The following SEL1L2 variants were observed in gnomAD, a reference collection of about 807,000 sequenced individuals.
SEL1L2 encodes the protein SEL1L2 adaptor subunit of SYVN1 ubiquitin ligase.
SEL1L2 carries 89 observed loss-of-function variants against 98.8 expected under a neutral mutation model. The ratio of observed to expected loss-of-function variants is 0.90; its 90% CI spans 0.76 to 1.07. The LOEUF (loss-of-function observed/expected upper bound fraction) is 1.07, where lower values mean the gene tolerates loss of function less well. Ranked by LOEUF, SEL1L2 falls within the 50% of genes least tolerant of loss-of-function variation. SEL1L2 has a pLI of 0.00. For synonymous variants in SEL1L2, 262 were observed against 278.5 expected (o/e 0.94, Z 0.59); for missense variants, 788 against 812.0 (o/e 0.97, Z 0.36).
chr20:13,969,547 A>G (rs904517996), intron 1 of SEL1L2, among the ~76,000 whole-genome samples: 7 of 152,158 alleles, frequency 4.6e-5, no homozygotes, highest in African/African-American at 1.4e-4. Flanking sequence ...CTATCTGACA[A>G]TTTAAGCCTT....
chr20:13,870,094 C>G (rs754489657), intron 13 of SEL1L2, 47 bp downstream of exon 13: 100 of 1,337,020 alleles, frequency 7.5e-5, no homozygotes, highest in Non-Finnish European at 1.0e-4. Context: ...TGAATTTTAC[C>G]CTGTAAATTG....
At chr20:13,907,742 C>CTTTCTTTCTTTTCT (rs1555880158) in intron 5 of SEL1L2, among the ~76,000 whole-genome samples, 154 of 83,580 alleles carry the variant, frequency 1.8e-3, no homozygotes, top group East Asian at 6.6e-3. Flanking sequence ...TTCTTTCTTT[C>CTTTCTTTCTTTTCT]TTTCTTTTCT....
chr20:13,911,733 C>G lies in SEL1L2; in HGVS notation c.549+2049G>C, dbSNP rs183407902. Among the ~76,000 whole-genome samples, 12 of 152,096 alleles carry G rather than the reference C, an allele frequency of 7.9e-5. No homozygotes were observed. In the East Asian group the frequency reaches 2.3e-3, roughly 29 times the overall value. On this transcript the variant is annotated intron_variant, in intron 5 of 19. Coordinates refer to ENST00000284951, the MANE Select transcript of SEL1L2 (RefSeq NM_025229.2). ...GATACATTGTTAAGTGAATAAAGAG[C>G]AAGTTAGGAAGCAGCAACTAAAGTA...
At chr20:13,921,556 A>G (rs1049951607) in intron 3 of SEL1L2, among the ~76,000 whole-genome samples, 2 of 152,228 alleles carry the variant, frequency 1.3e-5, no homozygotes, top group African/African-American at 2.4e-5. Context: ...GGGCGCAGAA[A>G]CAGTCAAAAT....
intron 5 of SEL1L2, among the ~76,000 whole-genome samples, chr20:13,900,198 T>C (rs1438368322): frequency 6.6e-6 from 1 of 152,212 alleles, no homozygotes; most frequent in Non-Finnish European, 1.5e-5. Flanking sequence ...TGACCTATAA[T>C]ACCCTACAGG....
chr20:13,870,676 A>G (rs1423332210), intron 12 of SEL1L2, among the ~76,000 whole-genome samples: 1 of 152,142 alleles, frequency 6.6e-6, no homozygotes, highest in Non-Finnish European at 1.5e-5. Context: ...TAATCCCAGC[A>G]CTTAGGGAGG....
At chr20:13,883,140 A>G (rs2046794028) in intron 10 of SEL1L2, among the ~76,000 whole-genome samples, 1 of 151,904 alleles carries the variant, frequency 6.6e-6, no homozygotes, top group Admixed American at 6.6e-5. Context: ...TTAAAGTTTG[A>G]GATTTCAACT....
At chr20:13,957,558 A>C (rs1013385007) in intron 1 of SEL1L2, among the ~76,000 whole-genome samples, 7 of 152,196 alleles carry the variant, frequency 4.6e-5, no homozygotes, top group African/African-American at 1.4e-4. Context: ...CCTCTGTCAA[A>C]TTAGAGAAAT....
rs149633882 is a variant in SEL1L2 at position 13,893,559 on chromosome 20, G to A, written c.550-5047C>T. On this transcript the variant is annotated intron_variant, in intron 5 of 19. Coordinates refer to ENST00000284951, the MANE Select transcript of SEL1L2 (RefSeq NM_025229.2). ...ACTGAAGGAAGAAATAGAAAGTAACGCAACAGTAGGAGATTTCAATACCCC... is the reference window on the plus strand; with the variant it reads ...ACTGAAGGAAGAAATAGAAAGTAACACAACAGTAGGAGATTTCAATACCCC... 4.3e-4 allele frequency among the ~76,000 whole-genome samples: 66 copies of A among 152,112 alleles called. 1 individual carries two copies. Among genetic ancestry groups the A allele is most frequent in the African/African-American group, 1.0e-3 (42 of 41,504 alleles).
At chr20:13,945,007 T>A (rs919385360) in intron 2 of SEL1L2, among the ~76,000 whole-genome samples, 1 of 152,142 alleles carries the variant, frequency 6.6e-6, no homozygotes, top group Non-Finnish European at 1.5e-5. Context: ...GTTGCCTGAT[T>A]CTCTTTTCCC....
chr20:13,908,034 C>T lies in SEL1L2; in HGVS notation c.549+5748G>A, dbSNP rs149856864. On this transcript the variant is annotated intron_variant, in intron 5 of 19. Coordinates refer to ENST00000284951, the MANE Select transcript of SEL1L2 (RefSeq NM_025229.2). ...ACTCCTGGGCTCAAGTGATCTCCCG[C>T]CTCAGCCTCCCAAAGTGTTAGGATT... is the stretch of plus-strand genomic sequence containing the variant. Among the ~76,000 whole-genome samples the T allele has an allele frequency of 5.5e-3, 833 of 150,442 alleles. 7 individuals carry two copies. The highest frequency in any genetic ancestry group is 0.019 in the African/African-American group (781 of 40,868).
chr20:13,851,162 G>A (rs112009714), intron 18 of SEL1L2, among the ~76,000 whole-genome samples: 115 of 152,174 alleles, frequency 7.6e-4, no homozygotes, highest in African/African-American at 2.6e-3. Context: ...GGGAGGCAGC[G>A]GTTGCAGTGA....
At chr20:13,951,410 C>G (rs920904384) in intron 2 of SEL1L2, among the ~76,000 whole-genome samples, 2 of 138,134 alleles carry the variant, frequency 1.4e-5, no homozygotes, top group African/African-American at 2.7e-5. Context: ...GTCAGGAGAT[C>G]GAAACACAGT....
At chr20:13,902,712 GAAAAA>G (rs5840587) in intron 5 of SEL1L2, among the ~76,000 whole-genome samples, 5 of 151,934 alleles carry the variant, frequency 3.3e-5, no homozygotes, top group South Asian at 4.1e-4. Flanking sequence ...TTTAGTAGAA[GAAAAA>G]ACGTCTGGTT....
intron 18 of SEL1L2, among the ~76,000 whole-genome samples, chr20:13,854,428 G>A (rs1988810928): frequency 6.6e-6 from 1 of 152,150 alleles, no homozygotes; most frequent in Admixed American, 6.5e-5. Flanking sequence ...AACAGGACCT[G>A]GCAGTGCTGA....
chr20:13,984,047 T>C (rs564840386), intron 1 of SEL1L2, among the ~76,000 whole-genome samples: 1 of 151,182 alleles, frequency 6.6e-6, no homozygotes, highest in East Asian at 2.0e-4. Context: ...TTGAAGTCTC[T>C]GTCACCCAGG....
At chr20:13,982,600 G>A (rs2051891187) in intron 1 of SEL1L2, among the ~76,000 whole-genome samples, 1 of 150,562 alleles carries the variant, frequency 6.6e-6, no homozygotes, top group African/African-American at 2.4e-5. Flanking sequence ...AGAAAAAATT[G>A]TTTCTAAGAG....
intron 6 of SEL1L2, 113 bp from the exon 7 acceptor site, chr20:13,888,114 T>A (rs1223709423): frequency 1.2e-6 from 1 of 846,350 alleles, no homozygotes; most frequent in African/African-American, 1.7e-5. Flanking sequence ...ACCCATTGAG[T>A]TACTCCAAAA....
chr20:13,894,085 T>G (rs141438068), intron 5 of SEL1L2, among the ~76,000 whole-genome samples: 10 of 152,118 alleles, frequency 6.6e-5, no homozygotes, highest in Admixed American at 6.5e-4. Flanking sequence ...TAAAATGCAT[T>G]ACTAAAGAAG....
Sources: allele counts gnomAD v4.1 joint callset (sites outside exome capture counted in the v4.1 genomes callset), GRCh38; gene constraint gnomAD v4.1.1; transcripts MANE v1.5; gene names NCBI Gene and HGNC (gene_info 2026-07-23, HGNC 2026-07-21).